WDFY4: variants seen among roughly 807,000 people sequenced by gnomAD.
WDFY4 encodes WD repeat- and FYVE domain-containing protein 4.
In WDFY4, 169 loss-of-function variants were observed where a neutral mutation model predicts 351.9. That is an observed-to-expected ratio of 0.48 (90% CI 0.42 to 0.55). The LOEUF (loss-of-function observed/expected upper bound fraction) is 0.55. WDFY4 is among the 20% of genes least tolerant of loss of function. WDFY4 has a pLI of 0.00. For missense variants in WDFY4, 3,803 were observed against 3,935.6 expected (o/e 0.97, Z 0.90); for synonymous variants, 1,622 against 1,574.6 (o/e 1.03, Z -0.71).
intron 27 of WDFY4, among the ~76,000 whole-genome samples, chr10:48,807,352 A>G (rs1235188701): frequency 6.6e-6 from 1 of 152,216 alleles, no homozygotes; most frequent in South Asian, 2.1e-4. Context: ...ACTCTTCAGA[A>G]GTAAAGTTTC....
chr10:48,872,654 T>C (rs886375968), intron 40 of WDFY4, among the ~76,000 whole-genome samples: 19 of 152,252 alleles, frequency 1.2e-4, no homozygotes, highest in Admixed American at 1.2e-3. Flanking sequence ...CAAACTGAAC[T>C]GAACTGCTTC....
chr10:48,865,982 G>T (rs2069528525), intron 39 of WDFY4, among the ~76,000 whole-genome samples: 1 of 151,374 alleles, frequency 6.6e-6, no homozygotes, highest in Non-Finnish European at 1.5e-5. Flanking sequence ...CTTTTTTCTT[G>T]GTCAACCTAG....
At position 48,957,302 on chromosome 10, in the gene WDFY4, G is replaced by A. The variant is rs1481021563; in HGVS notation, c.8131+20G>A. On this transcript the variant is annotated intron_variant, in intron 52 of 61. Transcript: ENST00000325239. ...AGTTCGGTAAGTGGAGGCCTGGTGA[G>A]GCCGGGTGAGTGGCGTTGCAGGGTG... 1 of 1,545,828 alleles carries A rather than the reference G, an allele frequency of 6.5e-7. No individual in the cohort carries two copies. Among genetic ancestry groups the A allele is most frequent in the African/African-American group, 1.4e-5 (1 of 72,962 alleles).
In WDFY4 at chr10:48,810,533, A is replaced by G. The variant is rs546895461; in HGVS notation, c.4842A>G (p.Ser1614=). 6.4e-7 allele frequency: 1 copy of G among 1,550,770 alleles called. No individual in the cohort carries two copies. The highest frequency in any genetic ancestry group is 2.0e-5 in the Admixed American group (1 of 50,684). ...SSPQLHLSSE[S]KEEMFLKLGP... is the part of the protein sequence containing the mutation. ...GGTTGCATTTATTAATCCCCAGGTC[A>G]AAGGAAGAGATGTTTCTGAAACTGG... The change falls in exon 29 of 62, where the codon TCA becomes TCG. Residue 1614 remains serine (S), a synonymous_variant. Coordinates refer to ENST00000325239, the MANE Select transcript of WDFY4 (RefSeq NM_001394531.1).
intron 1 of WDFY4, among the ~76,000 whole-genome samples, chr10:48,708,775 A>G (rs538940798): frequency 3.9e-5 from 6 of 152,192 alleles, no homozygotes; most frequent in Non-Finnish European, 8.8e-5. Context: ...AGCTCTTGTA[A>G]GCTTGGGGAC....
chr10:48,858,758 A>G (rs1388057489), intron 39 of WDFY4, among the ~76,000 whole-genome samples: 1 of 152,216 alleles, frequency 6.6e-6, no homozygotes, highest in Non-Finnish European at 1.5e-5. Context: ...TGGTATTTTA[A>G]TAAGAATTTT....
chr10:48,903,502 A>G (rs1383087488), intron 47 of WDFY4, among the ~76,000 whole-genome samples: 3 of 152,244 alleles, frequency 2.0e-5, no homozygotes, highest in South Asian at 2.1e-4. Flanking sequence ...CAAAGATAAT[A>G]TGATGTGATC....
chr10:48,696,316 G>A (rs1328751607), intron 1 of WDFY4, among the ~76,000 whole-genome samples: 1 of 152,172 alleles, frequency 6.6e-6, no homozygotes, highest in Non-Finnish European at 1.5e-5. Context: ...AGGGCCCACA[G>A]GGAACCTCCT....
chr10:48,703,021 T>A (rs2063523239), intron 1 of WDFY4, among the ~76,000 whole-genome samples: 1 of 152,246 alleles, frequency 6.6e-6, no homozygotes, highest in Non-Finnish European at 1.5e-5. Flanking sequence ...CAGGTAGATG[T>A]GAACGCTGTT....
intron 43 of WDFY4, among the ~76,000 whole-genome samples, chr10:48,879,486 G>A (rs375517013): frequency 1.3e-5 from 2 of 152,358 alleles, no homozygotes; most frequent in African/African-American, 4.8e-5. Context: ...AACAATGGCA[G>A]TGCTTTATAT....
rs1464869903 is a variant in WDFY4, at chr10:48,826,750, G to C, written c.6062G>C (p.Cys2021Ser). ...YSSLNKVILY[C>S]LSKPQQSLSE... ...AGTTTAAATAAAGTCATTCTTTATT[G>C]CCTATCCAAGCCCCAGCAGTCCCTC... The change falls in exon 36 of 62, where the codon TGC becomes TCC. Residue 2021 changes from cysteine to serine, a missense_variant. Physicochemically the swap from Cys to Ser is moderately radical, Grantham distance 112. This residue lies in a region of WDFY4 where 3,054 missense variants were observed against 3,148.6 expected (regional missense o/e 0.97). Transcript: ENST00000325239. 3.2e-6 allele frequency: 5 copies of C among 1,551,632 alleles called. No individual in the cohort carries two copies. Among genetic ancestry groups the C allele is most frequent in the African/African-American group, 2.7e-5 (2 of 72,978 alleles).
At chr10:48,765,528 A>T (rs1032332751) in intron 13 of WDFY4, among the ~76,000 whole-genome samples, 4 of 152,264 alleles carry the variant, frequency 2.6e-5, no homozygotes, top group Admixed American at 2.0e-4. Flanking sequence ...TACTATCATC[A>T]GTTGCTAAAA....
chr10:48,944,159 G>C (rs1840927616), intron 49 of WDFY4, among the ~76,000 whole-genome samples: 1 of 152,148 alleles, frequency 6.6e-6, no homozygotes, highest in Non-Finnish European at 1.5e-5. Context: ...GAGGGGCCTG[G>C]GAAAGAAAGG....
rs1178535348 is a variant in WDFY4, at chr10:48,786,658, T to C, written c.3596T>C (p.Leu1199Pro). 3.9e-6 allele frequency: 6 copies of C among 1,551,874 alleles called. No homozygotes were observed. Among genetic ancestry groups the C allele is most frequent in the Non-Finnish European group, 5.2e-6 (6 of 1,147,024 alleles). ...TAACAGATGTTATACATCCAGGCTC[T>C]ACCAGGGCCTTTCCTTTCTATGGAT... ...GSAKMLYIQA[L>P]PGPFLSMDPS... Residue 1199 changes from leucine to proline, a missense_variant, in exon 20 of 62, where the codon CTA becomes CCA. Physicochemically the swap from Leu to Pro is moderately conservative, Grantham distance 98. This residue lies in a region of WDFY4 where 3,054 missense variants were observed against 3,148.6 expected (regional missense o/e 0.97). Coordinates refer to ENST00000325239, the MANE Select transcript of WDFY4 (RefSeq NM_001394531.1).
chr10:48,916,528 T>C (rs546605987), intron 47 of WDFY4, among the ~76,000 whole-genome samples: 2 of 152,318 alleles, frequency 1.3e-5, no homozygotes, highest in South Asian at 4.1e-4. Context: ...GTTGCTTTGT[T>C]TTCTCTACCC....
chr10:48,784,777 T>C (rs1263636341), intron 19 of WDFY4, among the ~76,000 whole-genome samples: 1 of 150,926 alleles, frequency 6.6e-6, no homozygotes. Context: ...CCTGACCTCG[T>C]GATCTGCCCA....
chr10:48,927,334 C>T lies in WDFY4; in HGVS notation c.7587-14472C>T, dbSNP rs188073446. Among the ~76,000 whole-genome samples the T allele has an allele frequency of 7.9e-5, 12 of 152,304 alleles. No individual in the cohort carries two copies. In the East Asian group the frequency reaches 2.1e-3, roughly 27 times the overall value. On this transcript the variant is annotated intron_variant, in intron 47 of 61. Coordinates refer to ENST00000325239, the MANE Select transcript of WDFY4 (RefSeq NM_001394531.1). ...TTTGCCATTTCAGTCATCCGCAACACTCTCCTTTGTGGTAGGAATATCCCT... is the reference window on the plus strand; with the variant it reads ...TTTGCCATTTCAGTCATCCGCAACATTCTCCTTTGTGGTAGGAATATCCCT...
intron 50 of WDFY4, among the ~76,000 whole-genome samples, chr10:48,946,582 A>G (rs1176089558): frequency 6.6e-6 from 1 of 152,248 alleles, no homozygotes; most frequent in Non-Finnish European, 1.5e-5. Context: ...AGTTTAAGCA[A>G]CTTGCTCAAG....
At chr10:48,802,766 T>G (rs1330063712) in intron 24 of WDFY4, 1 of 471,652 alleles carries the variant, frequency 2.1e-6, no homozygotes, top group Non-Finnish European at 4.4e-6. Context: ...GGCTGAAGAA[T>G]GTGTTGCCTG....
Sources: gnomAD v4.1 joint callset for allele counts (sites outside exome capture counted in the v4.1 genomes callset) on GRCh38, gnomAD v4.1.1 for gene constraint, gnomAD v4.1.1 regional missense constraint, MANE v1.5 for transcripts, NCBI Gene and HGNC (gene_info 2026-07-23, HGNC 2026-07-21) for gene names.